Variants in DHX36 observed in about 807,000 individuals in gnomAD.
DHX36 encodes the protein ATP-dependent DNA/RNA helicase DHX36.
DHX36 carries 50 observed loss-of-function variants against 139.0 expected under a neutral mutation model. The observed-to-expected ratio is 0.36, with a 90% CI of 0.29 to 0.46. The LOEUF (loss-of-function observed/expected upper bound fraction) is 0.46, where lower values mean the gene tolerates loss of function less well. Among genes scored for constraint, DHX36 ranks in the 20% least tolerant of loss-of-function variants. The pLI is 1.00. For missense variants in DHX36, 1,024 were observed against 1,211.3 expected (o/e 0.85, Z 2.29); for synonymous variants, 425 against 401.9 (o/e 1.06, Z -0.69).
At chr3:154,279,330 C>A (rs1415552227) in intron 22 of DHX36, 1 of 152,084 alleles carries the variant, frequency 6.6e-6, no homozygotes, top group African/African-American at 2.4e-5. Flanking sequence ...TTTGCTGACC[C>A]CTAGTCTGGA....
At chr3:154,311,871 T>C (rs1402988422) in intron 3 of DHX36, 197 bp from the exon 4 acceptor site, 2 of 450,178 alleles carry the variant, frequency 4.4e-6, no homozygotes, top group Non-Finnish European at 7.7e-6. Flanking sequence ...CAGAACTCCA[T>C]TACATCCAGC....
intron 5 of DHX36, among the ~76,000 whole-genome samples, chr3:154,309,179 C>A (rs1029488165): frequency 2.0e-5 from 3 of 151,866 alleles, no homozygotes; most frequent in South Asian, 4.2e-4. Flanking sequence ...CAAAATAAGA[C>A]CCTGTCTCAA....
At chr3:154,277,831 C>A in intron 22 of DHX36, 113 bp from the exon 23 acceptor site, 1 of 998,304 alleles carries the variant, frequency 1.0e-6, no homozygotes, top group Non-Finnish European at 1.4e-6. Flanking sequence ...AAACAAATCC[C>A]GGAATCTAAA....
chr3:154,284,700 T>C, intron 18 of DHX36, 31 bp from the exon 19 acceptor site: 1 of 1,599,180 alleles, frequency 6.3e-7, no homozygotes, highest in African/African-American at 1.3e-5. Flanking sequence ...CCAATTTAAA[T>C]TGCTCTGATG....
Position 154,284,273 on chromosome 3 carries a change from G to A in DHX36, c.2292+310C>T, listed in dbSNP as rs113888139. 5.7e-3 allele frequency among the ~76,000 whole-genome samples: 865 copies of A among 152,126 alleles called. 13 individuals carry two copies. The highest frequency in any genetic ancestry group is 0.02 in the African/African-American group (822 of 41,512). Reference sequence around the variant, plus strand: ...CAGCTCACTGCAACCACCGCGCCCCGGAGTTCAAGCAATTCTCCTGCCTCA... The same window carrying A: ...CAGCTCACTGCAACCACCGCGCCCCAGAGTTCAAGCAATTCTCCTGCCTCA... On this transcript the variant is annotated intron_variant, in intron 19 of 24. Coordinates refer to ENST00000496811, the MANE Select transcript of DHX36 (RefSeq NM_020865.3).
At chr3:154,321,107 C>A (rs1386955589) in intron 1 of DHX36, among the ~76,000 whole-genome samples, 3 of 152,094 alleles carry the variant, frequency 2.0e-5, no homozygotes, top group Non-Finnish European at 2.9e-5. Context: ...AGCAAAAAAA[C>A]CTCAAAGCAA....
chr3:154,301,385 AAAGT>A (rs768513719), intron 9 of DHX36, among the ~76,000 whole-genome samples: 5 of 152,346 alleles, frequency 3.3e-5, no homozygotes, highest in East Asian at 1.9e-4. Flanking sequence ...GAAAAAGACT[AAAGT>A]AAGTAACTTT....
rs1260348335 is a variant in DHX36, at chr3:154,276,186, A to C, written c.3012T>G (p.Asp1004Glu). Reference protein sequence around the residue: ...TPRNFPPRFQDGYYS With the variant: ...TPRNFPPRFQEGYYS Reference sequence around the variant, plus strand: ...TGAAAAGCTGTCAGCTGTAATATCCATCCTGGAATCGTGGCGGAAAGTTCC... The same window carrying C: ...TGAAAAGCTGTCAGCTGTAATATCCCTCCTGGAATCGTGGCGGAAAGTTCC... The change falls in exon 25 of 25, where the codon GAT becomes GAG. Residue 1004 changes from aspartate to glutamate, a missense_variant. Physicochemically the swap from Asp to Glu is conservative, Grantham distance 45. Coordinates refer to ENST00000496811, the MANE Select transcript of DHX36 (RefSeq NM_020865.3). 1.9e-6 allele frequency: 3 copies of C among 1,612,196 alleles called. No homozygotes were observed. Among genetic ancestry groups the C allele is most frequent in the South Asian group, 2.2e-5 (2 of 90,442 alleles).
At position 154,303,387 on chromosome 3, in the gene DHX36, G is replaced by A. The variant is rs758123951; in HGVS notation, c.1159C>T (p.Pro387Ser). Reference sequence around the variant, plus strand: ...TCCACAACCGGAAAGGTAAAACCAGGTATATGTATCATTGGACAGTTACCT... The same window carrying A: ...TCCACAACCGGAAAGGTAAAACCAGATATATGTATCATTGGACAGTTACCT... ...YFGNCPMIHIPGFTFPVVEYL... is the reference protein window; with the variant it reads ...YFGNCPMIHISGFTFPVVEYL... Residue 387 changes from proline to serine, a missense_variant, in exon 9 of 25, where the codon CCT becomes TCT. Pro to Ser is a moderately conservative substitution (Grantham distance 74). Coordinates refer to ENST00000496811, the MANE Select transcript of DHX36 (RefSeq NM_020865.3). 1 of 1,605,586 alleles carries A rather than the reference G, an allele frequency of 6.2e-7. No individual in the cohort carries two copies. The highest frequency in any genetic ancestry group is 8.5e-7 in the Non-Finnish European group (1 of 1,176,616).
chr3:154,287,931 G>A (rs533562168), intron 17 of DHX36, among the ~76,000 whole-genome samples: 4 of 151,848 alleles, frequency 2.6e-5, no homozygotes, highest in Admixed American at 1.3e-4. Flanking sequence ...AGAATAAAAG[G>A]CCAATTAATA....
At chr3:154,280,906 C>CA (rs752006898) in intron 20 of DHX36, 44 bp from the exon 21 acceptor site, 133 of 1,426,990 alleles carry the variant, frequency 9.3e-5, no homozygotes, top group Middle Eastern at 1.8e-4. Flanking sequence ...ACCTTTCACA[C>CA]ATTGAGGCTA....
chr3:154,323,679 T>C (rs530103054), intron 1 of DHX36, among the ~76,000 whole-genome samples: 2 of 152,310 alleles, frequency 1.3e-5, no homozygotes, highest in South Asian at 2.1e-4. Context: ...CAGATAATTT[T>C]AACACTAATA....
chr3:154,304,340 C>G (rs1446773220), intron 8 of DHX36, among the ~76,000 whole-genome samples: 1 of 152,090 alleles, frequency 6.6e-6, no homozygotes, highest in Non-Finnish European at 1.5e-5. Flanking sequence ...AGGCTGCTTT[C>G]TCATCTGTAA....
chr3:154,275,604 T>C lies in DHX36; in HGVS notation c.*567A>G, dbSNP rs1049267422. The stretch of plus-strand genomic sequence containing the variant: ...ATAAAAAGGGCACGTGTTTTAAAAA[T>C]AGTAAAAATATCAAATGAACCAAGC... On this transcript the variant is annotated 3_prime_UTR_variant, in exon 25 of 25. Coordinates refer to ENST00000496811, the MANE Select transcript of DHX36 (RefSeq NM_020865.3). 1 of 152,602 alleles carries C rather than the reference T, an allele frequency of 6.6e-6. No homozygotes were observed. Among genetic ancestry groups the C allele is most frequent in the Non-Finnish European group, 1.5e-5 (1 of 68,040 alleles). 9.5% of individuals were successfully genotyped at this position (152,602 alleles called of 1,614,324 possible).
chr3:154,309,180 CCT>C (rs888079342), intron 5 of DHX36, among the ~76,000 whole-genome samples: 1 of 151,494 alleles, frequency 6.6e-6, no homozygotes, highest in African/African-American at 2.4e-5. Flanking sequence ...AAAATAAGAC[CCT>C]GTCTCAAAAA....
chr3:154,285,985 G>C (rs767725983), intron 17 of DHX36, among the ~76,000 whole-genome samples: 3 of 150,972 alleles, frequency 2.0e-5, no homozygotes, highest in African/African-American at 7.3e-5. Flanking sequence ...TGGCAAGTTA[G>C]GTTTACTCTA....
intron 17 of DHX36, among the ~76,000 whole-genome samples, chr3:154,286,838 T>G (rs1382920426): frequency 6.6e-6 from 1 of 151,978 alleles, no homozygotes; most frequent in Non-Finnish European, 1.5e-5. Context: ...TTTTAAGAGA[T>G]AGGGTCTTGT....
At position 154,308,730 on chromosome 3, in the gene DHX36, C is replaced by A. The variant is rs888733117; in HGVS notation, c.813+923G>T. ...TTTCCATTTTGCTACTCAAACAGTTCTGGATTTGGGAGCATTCTGGATTTC... is the reference window on the plus strand; with the variant it reads ...TTTCCATTTTGCTACTCAAACAGTTATGGATTTGGGAGCATTCTGGATTTC... On this transcript the variant is annotated intron_variant, in intron 5 of 24. Transcript: ENST00000496811. Among the ~76,000 whole-genome samples the A allele has an allele frequency of 5.3e-5, 8 of 152,232 alleles. No individual in the cohort carries two copies. The East Asian group carries it at 1.2e-3, about 22-fold the overall frequency.
At position 154,309,748 on chromosome 3, in the gene DHX36, C is replaced by T; in HGVS notation, c.718G>A (p.Val240Ile). 1 of 1,612,848 alleles carries T rather than the reference C, an allele frequency of 6.2e-7. No individual in the cohort carries two copies. The highest frequency in any genetic ancestry group is 1.1e-5 in the South Asian group (1 of 90,912). ...GETGCGKTTQ[V>I]TQFILDNYIE... ...TAGTTATCCAAAATGAACTGAGTAA[C>T]TTGAGTGGTTTTGCCACAACCAGTT... Residue 240 changes from valine to isoleucine, a missense_variant, in exon 5 of 25, where the codon GTT (valine) becomes ATT (isoleucine). By Grantham distance (29) the Val-to-Ile change is conservative (BLOSUM62 3). This residue lies in a region of DHX36 where 146 missense variants were observed against 215.0 expected (regional missense o/e 0.68). Coordinates refer to ENST00000496811, the MANE Select transcript of DHX36 (RefSeq NM_020865.3).
Sources: gnomAD v4.1 joint callset for allele counts (sites outside exome capture counted in the v4.1 genomes callset) on GRCh38, gnomAD v4.1.1 for gene constraint, gnomAD v4.1.1 regional missense constraint, MANE v1.5 for transcripts, NCBI Gene and HGNC (gene_info 2026-07-23, HGNC 2026-07-21) for gene names.